Variants in AUTS2 observed in about 807,000 individuals in gnomAD.
AUTS2 encodes the protein activator of transcription and developmental regulator AUTS2.
Under a neutral mutation model 112.4 loss-of-function variants are expected in AUTS2, and 17 were observed. That is an observed-to-expected ratio of 0.15 (90% CI 0.10 to 0.23). AUTS2 has a LOEUF of 0.23. AUTS2 is among the 10% of genes least tolerant of loss of function. The pLI is 1.00. For missense variants in AUTS2, 1,510 were observed against 1,701.6 expected (o/e 0.89, Z 1.98); for synonymous variants, 751 against 702.7 (o/e 1.07, Z -1.09).
intron 1 of AUTS2, among the ~76,000 whole-genome samples, chr7:69,810,191 CA>C (rs1286894038): frequency 1.3e-5 from 2 of 152,174 alleles, no homozygotes; most frequent in Admixed American, 6.5e-5. Context: ...TGCCACATAA[CA>C]GCGGCTAAGA....
intron 1 of AUTS2, among the ~76,000 whole-genome samples, chr7:69,765,288 G>A (rs559786617): frequency 3.3e-5 from 5 of 152,142 alleles, no homozygotes; most frequent in African/African-American, 1.2e-4. Context: ...CACCTAACAG[G>A]ACACATTGGA....
At chr7:70,142,491 A>G (rs1806918286) in intron 4 of AUTS2, among the ~76,000 whole-genome samples, 1 of 152,216 alleles carries the variant, frequency 6.6e-6, no homozygotes. Context: ...CACTGTCAAC[A>G]TTGAAAGGAG....
intron 2 of AUTS2, among the ~76,000 whole-genome samples, chr7:70,062,271 G>A (rs565329115): frequency 6.6e-6 from 1 of 151,860 alleles, no homozygotes; most frequent in South Asian, 2.1e-4. Context: ...AGCACTTTGG[G>A]AGGCCAAGGA....
At chr7:70,742,629 G>A (rs1220426367) in intron 6 of AUTS2, among the ~76,000 whole-genome samples, 1 of 152,132 alleles carries the variant, frequency 6.6e-6, no homozygotes, top group African/African-American at 2.4e-5. Flanking sequence ...TGGCGTGGTG[G>A]CGCGTGCCTG....
intron 2 of AUTS2, among the ~76,000 whole-genome samples, chr7:69,931,748 A>G (rs1359696566): frequency 1.3e-5 from 2 of 152,134 alleles, no homozygotes; most frequent in Non-Finnish European, 2.9e-5. Flanking sequence ...ATACTGTTTT[A>G]GAAGGAAAAG....
chr7:69,990,855 G>A (rs924392905), intron 2 of AUTS2, among the ~76,000 whole-genome samples: 4 of 152,150 alleles, frequency 2.6e-5, no homozygotes, highest in Non-Finnish European at 4.4e-5. Context: ...TTTCTTTGGA[G>A]TGTCATGTTG....
At chr7:69,610,848 C>G (rs1792996846) in intron 1 of AUTS2, among the ~76,000 whole-genome samples, 2 of 152,182 alleles carry the variant, frequency 1.3e-5, no homozygotes, top group South Asian at 4.1e-4. Context: ...TGTAATTTTT[C>G]TATATGACAG....
At chr7:69,609,515 T>A (rs893845018) in intron 1 of AUTS2, among the ~76,000 whole-genome samples, 2 of 152,214 alleles carry the variant, frequency 1.3e-5, no homozygotes, top group African/African-American at 4.8e-5. Flanking sequence ...CATCATTGAA[T>A]GTCTAGTGGA....
intron 5 of AUTS2, among the ~76,000 whole-genome samples, chr7:70,626,044 C>A (rs531253457): frequency 1.8e-4 from 27 of 152,120 alleles, no homozygotes; most frequent in African/African-American, 6.5e-4. Flanking sequence ...TCCTGAGTAG[C>A]TGGGACTATA....
At chr7:69,757,446 T>C (rs1207575917) in intron 1 of AUTS2, among the ~76,000 whole-genome samples, 5 of 152,222 alleles carry the variant, frequency 3.3e-5, no homozygotes, top group African/African-American at 7.2e-5. Context: ...TAACCTGATA[T>C]GTAAGATTCT....
At position 69,639,759 on chromosome 7, in the gene AUTS2, C is replaced by T. The variant is rs190471189; in HGVS notation, c.309+39797C>T. Among the ~76,000 whole-genome samples the T allele has an allele frequency of 1.7e-3, 257 of 152,324 alleles. 1 individual carries two copies. Among genetic ancestry groups the T allele is most frequent in the South Asian group, 1.5e-3 (7 of 4,824 alleles). On this transcript the variant is annotated intron_variant, in intron 1 of 18. Transcript: ENST00000342771. ...GGCTGAAATGAAAGCTGTGTTGTGG[C>T]AGTGCTTAGAGAATTGTCTCTGATG...
intron 1 of AUTS2, among the ~76,000 whole-genome samples, chr7:69,647,410 C>T (rs920743971): frequency 4.6e-5 from 7 of 151,482 alleles, no homozygotes; most frequent in Non-Finnish European, 1.0e-4. Flanking sequence ...GAGTGCAGTG[C>T]CATGAGCATT....
At chr7:70,070,696 C>T (rs2129562457) in intron 2 of AUTS2, among the ~76,000 whole-genome samples, 1 of 152,036 alleles carries the variant, frequency 6.6e-6, no homozygotes, top group African/African-American at 2.4e-5. Flanking sequence ...GAAACCCCGT[C>T]TCTACTAAAA....
At chr7:70,057,801 T>C (rs1802060685) in intron 2 of AUTS2, among the ~76,000 whole-genome samples, 1 of 152,190 alleles carries the variant, frequency 6.6e-6, no homozygotes, top group African/African-American at 2.4e-5. Flanking sequence ...ATGGGGAAAG[T>C]GTTCTTGGGA....
At chr7:69,878,363 G>C (rs1006043851) in intron 1 of AUTS2, among the ~76,000 whole-genome samples, 1 of 152,084 alleles carries the variant, frequency 6.6e-6, no homozygotes, top group African/African-American at 2.4e-5. Context: ...CAACATTTTT[G>C]TTCAGGAAAT....
chr7:69,727,515 G>C (rs1279832789), intron 1 of AUTS2, among the ~76,000 whole-genome samples: 1 of 152,132 alleles, frequency 6.6e-6, no homozygotes, highest in Non-Finnish European at 1.5e-5. Flanking sequence ...GCTTGAACCT[G>C]GGAGGCGGAG....
At chr7:69,624,310 T>C (rs1277509526) in intron 1 of AUTS2, among the ~76,000 whole-genome samples, 3 of 152,212 alleles carry the variant, frequency 2.0e-5, no homozygotes, top group African/African-American at 7.2e-5. Context: ...GGTATCTTTA[T>C]CTGGTACATG....
chr7:69,804,956 CACAG>C (rs1790236557), intron 1 of AUTS2, among the ~76,000 whole-genome samples: 1 of 152,206 alleles, frequency 6.6e-6, no homozygotes, highest in Non-Finnish European at 1.5e-5. Flanking sequence ...AGAATCACTA[CACAG>C]ACAGACGTTG....
chr7:70,639,514 G>A (rs1403515761), intron 5 of AUTS2, among the ~76,000 whole-genome samples: 3 of 150,500 alleles, frequency 2.0e-5, no homozygotes, highest in African/African-American at 4.9e-5. Context: ...TACTGGGGGG[G>A]TGGTGAGGCA....
Sources: allele counts gnomAD v4.1 joint callset (sites outside exome capture counted in the v4.1 genomes callset), GRCh38; gene constraint gnomAD v4.1.1; transcripts MANE v1.5; gene names NCBI Gene and HGNC (gene_info 2026-07-23, HGNC 2026-07-21).